The following GABRG3 variants were observed in gnomAD, a reference collection of about 807,000 sequenced individuals.
The protein encoded by GABRG3 is gamma-aminobutyric acid type A receptor subunit gamma3, also known as gamma-aminobutyric acid receptor subunit gamma-3.
A neutral mutation model predicts 48.8 loss-of-function variants in GABRG3; 25 were observed. That is an observed-to-expected ratio of 0.51 (90% CI 0.37 to 0.72). The LOEUF (loss-of-function observed/expected upper bound fraction) is 0.72, where lower values mean the gene tolerates loss of function less well. Among genes scored for constraint, GABRG3 ranks in the 30% least tolerant of loss-of-function variants. GABRG3 has a pLI of 0.00. For synonymous variants in GABRG3, 227 were observed against 217.6 expected, an observed-to-expected ratio of 1.04 and a Z score of -0.38; for missense variants, 394 against 577.9, an observed-to-expected ratio of 0.68 and a Z score of 3.26.
At chr15:27,423,750 T>G (rs1373988359) in intron 5 of GABRG3, among the ~76,000 whole-genome samples, 19 of 133,254 alleles carry the variant, frequency 1.4e-4, no homozygotes, top group African/African-American at 5.6e-4. Flanking sequence ...TTTTTTTTTG[T>G]AGAGATGATG....
At chr15:27,438,762 G>A (rs1023316952) in intron 5 of GABRG3, among the ~76,000 whole-genome samples, 1 of 152,178 alleles carries the variant, frequency 6.6e-6, no homozygotes, top group African/African-American at 2.4e-5. Flanking sequence ...AGCCACTGTT[G>A]AATCTCAAAA....
rs1186967997 is a variant in GABRG3 at position 26,971,534 on chromosome 15, C to T, written c.-2C>T. 2 of 1,527,860 alleles carry T rather than the reference C, an allele frequency of 1.3e-6. No individual in the cohort carries two copies. 94.6% of individuals were successfully genotyped at this position (1,527,860 alleles called of 1,614,324 possible). ...ACCCTGCGCCCCGAGCTCCACGGCA[C>T]CATGGCCCCGAAGCTGCTGCTCCTC... On this transcript the variant is annotated 5_prime_UTR_variant, in exon 1 of 10. Coordinates refer to ENST00000615808, the MANE Select transcript of GABRG3 (RefSeq NM_033223.5).
chr15:27,516,552 C>T (rs1891024119), intron 6 of GABRG3, among the ~76,000 whole-genome samples: 1 of 152,186 alleles, frequency 6.6e-6, no homozygotes, highest in Non-Finnish European at 1.5e-5. Context: ...CCAAGATGGG[C>T]AGCAATCTAA....
At chr15:27,187,415 T>C (rs1888132847) in intron 3 of GABRG3, among the ~76,000 whole-genome samples, 1 of 152,196 alleles carries the variant, frequency 6.6e-6, no homozygotes, top group Non-Finnish European at 1.5e-5. Context: ...ATATGAATTT[T>C]AGAATTATTT....
At chr15:27,404,579 T>C (rs1887577359) in intron 5 of GABRG3, among the ~76,000 whole-genome samples, 1 of 152,208 alleles carries the variant, frequency 6.6e-6, no homozygotes, top group Admixed American at 6.5e-5. Context: ...GGACATTGTC[T>C]GCTCACTGGT....
chr15:27,049,084 G>A (rs1434633961), intron 3 of GABRG3, among the ~76,000 whole-genome samples: 2 of 152,250 alleles, frequency 1.3e-5, no homozygotes, highest in African/African-American at 4.8e-5. Flanking sequence ...AGGAAGTGCT[G>A]AGCTGCCTTT....
chr15:27,002,799 A>T (rs1021527124), intron 2 of GABRG3, among the ~76,000 whole-genome samples: 1 of 150,142 alleles, frequency 6.7e-6, no homozygotes. Context: ...GAAAGAGAGA[A>T]AGAGAGAAAG....
intron 3 of GABRG3, among the ~76,000 whole-genome samples, chr15:27,273,285 G>A (rs17137744): frequency 0.011 from 1,731 of 152,242 alleles, 25 homozygotes; most frequent in African/African-American, 0.039. Flanking sequence ...TTGTCAATAA[G>A]GTTCAGGCTA....
intron 5 of GABRG3, among the ~76,000 whole-genome samples, chr15:27,389,992 G>A (rs1430686336): frequency 2.0e-5 from 3 of 152,142 alleles, no homozygotes; most frequent in Non-Finnish European, 4.4e-5. Flanking sequence ...CTAAATTTTT[G>A]TGTGCCAAGA....
At chr15:27,487,493 G>T (rs1023311897) in intron 6 of GABRG3, among the ~76,000 whole-genome samples, 3 of 152,168 alleles carry the variant, frequency 2.0e-5, no homozygotes, top group African/African-American at 7.2e-5. Context: ...AATATGTACT[G>T]TAGCTAGCAT....
At chr15:27,315,058 T>C (rs1398388134) in intron 3 of GABRG3, among the ~76,000 whole-genome samples, 2 of 152,026 alleles carry the variant, frequency 1.3e-5, no homozygotes, top group African/African-American at 4.8e-5. Context: ...GTAGACCTCA[T>C]GTTAAGTGTA....
intron 5 of GABRG3, among the ~76,000 whole-genome samples, chr15:27,440,627 A>G (rs145542886): frequency 6.6e-6 from 1 of 152,340 alleles, no homozygotes; most frequent in African/African-American, 2.4e-5. Flanking sequence ...ACGATCAACC[A>G]TACTAAATAT....
At chr15:27,161,392 TG>T (rs1030192876) in intron 3 of GABRG3, 5 of 152,108 alleles carry the variant, frequency 3.3e-5, no homozygotes, top group African/African-American at 9.7e-5. Flanking sequence ...CCAAGTTCCA[TG>T]GGGGCAGTGT....
chr15:27,089,035 A>AG (rs1466495740), intron 3 of GABRG3, among the ~76,000 whole-genome samples: 3 of 152,132 alleles, frequency 2.0e-5, no homozygotes, highest in African/African-American at 7.2e-5. Context: ...AGCCCTGAGC[A>AG]GGGCGTCTGA....
intron 3 of GABRG3, among the ~76,000 whole-genome samples, chr15:27,160,745 T>TA (rs2075793985): frequency 1.3e-5 from 2 of 151,988 alleles, no homozygotes; most frequent in South Asian, 4.2e-4. Flanking sequence ...TGTTTTGGAG[T>TA]ACATCATTCA....
intron 3 of GABRG3, among the ~76,000 whole-genome samples, chr15:27,285,015 G>C (rs1353683749): frequency 1.3e-5 from 2 of 152,028 alleles, no homozygotes; most frequent in African/African-American, 2.4e-5. Context: ...TTGTTCTGAG[G>C]GTTTCTTTTA....
chr15:27,095,286 A>G (rs1377451806), intron 3 of GABRG3, among the ~76,000 whole-genome samples: 2 of 152,242 alleles, frequency 1.3e-5, no homozygotes, highest in Non-Finnish European at 2.9e-5. Context: ...GCAAAAGTGC[A>G]TGGATTACAG....
In GABRG3 at chr15:27,153,585, G is replaced by A. The variant is rs1333473589; in HGVS notation, c.270+126764G>A. On this transcript the variant is annotated intron_variant, in intron 3 of 9. Coordinates refer to ENST00000615808, the MANE Select transcript of GABRG3 (RefSeq NM_033223.5). The stretch of plus-strand genomic sequence containing the variant: ...CATTAGTTTGGAAAGACATCTTTAC[G>A]ATGTTTAATCTTCTAATCCATGAAC... Among the ~76,000 whole-genome samples, 7 of 152,018 alleles carry A rather than the reference G, an allele frequency of 4.6e-5. No individual in the cohort carries two copies. The East Asian group carries it at 5.8e-4, about 13-fold the overall frequency.
At chr15:27,316,329 A>T (rs1029854046) in intron 3 of GABRG3, among the ~76,000 whole-genome samples, 3 of 142,514 alleles carry the variant, frequency 2.1e-5, no homozygotes, top group Non-Finnish European at 3.0e-5. Flanking sequence ...CAGAGCTTGC[A>T]GTGAGCCGAG....
Sources: allele counts gnomAD v4.1 joint callset (sites outside exome capture counted in the v4.1 genomes callset), GRCh38; gene constraint gnomAD v4.1.1; transcripts MANE v1.5; gene names NCBI Gene and HGNC (gene_info 2026-07-23, HGNC 2026-07-21).